CCDC141: variants seen among roughly 807,000 people sequenced by gnomAD.
CCDC141 encodes coiled-coil domain-containing protein 141.
Under a neutral mutation model 181.0 loss-of-function variants are expected in CCDC141, and 168 were observed. The observed-to-expected ratio is 0.93, with a 90% CI of 0.82 to 1.05. The LOEUF (loss-of-function observed/expected upper bound fraction) is 1.05, where lower values mean the gene tolerates loss of function less well. Ranked by LOEUF, CCDC141 falls within the 50% of genes least tolerant of loss-of-function variation. The pLI, the probability that CCDC141 is intolerant of heterozygous loss-of-function variation, is 0.00. For synonymous variants in CCDC141, 666 were observed against 642.3 expected (o/e 1.04, Z -0.56); for missense variants, 1,902 against 1,788.5 (o/e 1.06, Z -1.14).
downstream of CCDC141, among the ~76,000 whole-genome samples, chr2:178,827,036 A>G (rs553940445): frequency 1.7e-3 from 262 of 152,246 alleles, no homozygotes; most frequent in African/African-American, 6.1e-3. Context: ...TACATCCCAC[A>G]GATTTTGATA....
At chr2:178,981,259 T>A (rs1691377362) in intron 2 of CCDC141, among the ~76,000 whole-genome samples, 1 of 152,102 alleles carries the variant, frequency 6.6e-6, no homozygotes, top group Admixed American at 6.5e-5. Flanking sequence ...CTAATTGGCA[T>A]TTATAGAATA....
intron 1 of CCDC141, among the ~76,000 whole-genome samples, chr2:179,048,961 T>G (rs2043589635): frequency 1.3e-5 from 2 of 152,216 alleles, no homozygotes; most frequent in African/African-American, 2.4e-5. Context: ...CAATTAAACC[T>G]GGTGGGGACC....
chr2:178,961,534 T>C (rs761511604), intron 4 of CCDC141, 51 bp from the exon 5 acceptor site: 37 of 1,349,298 alleles, frequency 2.7e-5, no homozygotes, highest in Non-Finnish European at 3.7e-5. Flanking sequence ...CAAGCTTTTA[T>C]ACAGCAATAT....
At chr2:178,987,849 G>A (rs1691829774) in intron 2 of CCDC141, among the ~76,000 whole-genome samples, 1 of 150,268 alleles carries the variant, frequency 6.7e-6, no homozygotes, top group African/African-American at 2.5e-5. Flanking sequence ...GGAGAAATAG[G>A]AACACTTTTA....
rs138513789 is a variant in CCDC141, at chr2:178,909,470, A to C, written c.1093-3969T>G. Among the ~76,000 whole-genome samples the C allele has an allele frequency of 1.2e-3, 180 of 152,332 alleles. 1 individual carries two copies. The highest frequency in any genetic ancestry group is 4.1e-3 in the African/African-American group (170 of 41,572). ...CTGACCTCAATCCTAACCAACCCGT[A>C]ATAGGAATAATCTGCAGACATAGAA... On this transcript the variant is annotated intron_variant, in intron 7 of 23. Transcript: ENST00000443758.
intron 8 of CCDC141, among the ~76,000 whole-genome samples, chr2:178,901,761 A>C (rs1304788161): frequency 1.3e-5 from 2 of 151,790 alleles, no homozygotes; most frequent in East Asian, 3.9e-4. Context: ...GGCCAGGGCA[A>C]TTAGGCAGGA....
chr2:178,914,355 A>G lies in CCDC141; in HGVS notation c.1092+4358T>C, dbSNP rs553893273. Reference sequence around the variant, plus strand: ...GGAAACTCTAAAAAGAACAGGAAGTATATCAGATTCTTGAGTTATATGGCT... The same window carrying G: ...GGAAACTCTAAAAAGAACAGGAAGTGTATCAGATTCTTGAGTTATATGGCT... On this transcript the variant is annotated intron_variant, in intron 7 of 23. Transcript: ENST00000443758. 5.9e-5 allele frequency among the ~76,000 whole-genome samples: 9 copies of G among 152,366 alleles called. No individual in the cohort carries two copies. In the East Asian group the frequency reaches 1.3e-3, roughly 23 times the overall value.
At chr2:178,864,634 C>T (rs976575038) in intron 17 of CCDC141, among the ~76,000 whole-genome samples, 1 of 152,176 alleles carries the variant, frequency 6.6e-6, no homozygotes. Flanking sequence ...GCTCTCTTCC[C>T]CTCTGGTTTT....
chr2:178,870,231 C>CAAAAAAAAAA (rs34625707), intron 14 of CCDC141, among the ~76,000 whole-genome samples: 13 of 60,278 alleles, frequency 2.2e-4, no homozygotes, highest in Admixed American at 5.3e-4. Context: ...GACTCTGTCT[C>CAAAAAAAAAA]AAAAAAAAAA....
rs116130470 is a variant in CCDC141 at position 178,899,288 on chromosome 2, T to C, written c.1265+6041A>G. The stretch of plus-strand genomic sequence containing the variant: ...GGTATGTGTGTAAGATGTGTGTAAG[T>C]GCACTCTATGATGTTCACATGACAG... On this transcript the variant is annotated intron_variant, in intron 8 of 23. Coordinates refer to ENST00000443758, the MANE Select transcript of CCDC141 (RefSeq NM_173648.4). Among the ~76,000 whole-genome samples, 300 of 152,276 alleles carry C rather than the reference T, an allele frequency of 2.0e-3. 2 individuals are homozygous for C. Among genetic ancestry groups the C allele is most frequent in the Middle Eastern group, 3.4e-3 (1 of 294 alleles).
Position 178,830,350 on chromosome 2 carries a change from G to C in CCDC141, c.*3823C>G, listed in dbSNP as rs530452718. ...GGGTCTAGCCCAGAGGGTCTGGAGG[G>C]TTCTCACACAAGTTTTGCAGATGAG... On this transcript the variant is annotated 3_prime_UTR_variant, in exon 24 of 24. Coordinates refer to ENST00000443758, the MANE Select transcript of CCDC141 (RefSeq NM_173648.4). 5 of 152,248 alleles carry C rather than the reference G, an allele frequency of 3.3e-5. No individual in the cohort carries two copies. The highest frequency in any genetic ancestry group is 5.9e-5 in the Non-Finnish European group (4 of 68,024). 9.4% of individuals were successfully genotyped at this position (152,248 alleles called of 1,614,324 possible).
At chr2:179,036,701 A>G (rs2154387458) in intron 2 of CCDC141, among the ~76,000 whole-genome samples, 1 of 152,370 alleles carries the variant, frequency 6.6e-6, no homozygotes, top group Non-Finnish European at 1.5e-5. Context: ...ACTAATTCCC[A>G]CTAGACCACA....
intron 7 of CCDC141, among the ~76,000 whole-genome samples, chr2:178,908,791 C>T (rs1247474236): frequency 6.6e-6 from 1 of 152,108 alleles, no homozygotes; most frequent in Admixed American, 6.5e-5. Flanking sequence ...CACATTTAAC[C>T]CCATTTTCTA....
intron 2 of CCDC141, among the ~76,000 whole-genome samples, chr2:178,996,086 CT>C (rs11356005): frequency 0.4 from 54,979 of 137,370 alleles, 9,965 homozygotes; most frequent in African/African-American, 0.49. Flanking sequence ...TTTTAAAATT[CT>C]TTTTTTTTTT....
intron 8 of CCDC141, among the ~76,000 whole-genome samples, chr2:178,889,249 C>T (rs904811061): frequency 3.3e-5 from 5 of 151,450 alleles, no homozygotes; most frequent in East Asian, 1.9e-4. Flanking sequence ...ATCATTTTTT[C>T]GCCTGTGTTG....
intron 5 of CCDC141, among the ~76,000 whole-genome samples, chr2:178,958,541 G>C (rs992006269): frequency 6.6e-6 from 1 of 152,042 alleles, no homozygotes; most frequent in Non-Finnish European, 1.5e-5. Context: ...ATGAGACCCC[G>C]TAAGTTAGAG....
At position 178,865,814 on chromosome 2, in the gene CCDC141, G is replaced by A. The variant is rs1258738147; in HGVS notation, c.2677C>T (p.Leu893=). The part of the protein sequence containing the change: ...RAKAEEYGRT[L]SRSVEYCAMR... ...GCGCAGTACTCCACACTACGGGACAGGGTCCGTCCATACTCCTCAGCTTTG... is the reference window on the plus strand; with the variant it reads ...GCGCAGTACTCCACACTACGGGACAAGGTCCGTCCATACTCCTCAGCTTTG... Residue 893 remains leucine (L), a synonymous_variant, in exon 17 of 24, where the codon CTG becomes TTG. Coordinates refer to ENST00000443758, the MANE Select transcript of CCDC141 (RefSeq NM_173648.4). 6.2e-7 allele frequency: 1 copy of A among 1,605,048 alleles called. No individual in the cohort carries two copies. The highest frequency in any genetic ancestry group is 8.5e-7 in the Non-Finnish European group (1 of 1,175,548).
intron 8 of CCDC141, among the ~76,000 whole-genome samples, chr2:178,890,595 A>G (rs982678838): frequency 6.6e-6 from 1 of 152,162 alleles, no homozygotes; most frequent in Non-Finnish European, 1.5e-5. Flanking sequence ...CAGAAGTACC[A>G]GAACTCAGAC....
intron 4 of CCDC141, among the ~76,000 whole-genome samples, chr2:178,962,648 T>TTTCC (rs1309659893): frequency 1.3e-5 from 2 of 150,926 alleles, no homozygotes; most frequent in Admixed American, 6.6e-5. Flanking sequence ...CCTTTCCTTC[T>TTTCC]TTCTTTCTTT....
Sources: gnomAD v4.1 joint callset for allele counts (sites outside exome capture counted in the v4.1 genomes callset) on GRCh38, gnomAD v4.1.1 for gene constraint, MANE v1.5 for transcripts, NCBI Gene and HGNC (gene_info 2026-07-23, HGNC 2026-07-21) for gene names.